Variants in SYNPO2 observed in about 807,000 individuals in gnomAD.
SYNPO2 encodes synaptopodin-2.
A neutral mutation model predicts 85.0 loss-of-function variants in SYNPO2; 56 were observed. That is an observed-to-expected ratio of 0.66 (90% CI 0.53 to 0.82). The LOEUF is 0.82. Ranked by LOEUF, SYNPO2 falls within the 40% of genes least tolerant of loss-of-function variation. SYNPO2 has a pLI of 0.00. For missense variants in SYNPO2, 1,575 were observed against 1,534.2 expected, an observed-to-expected ratio of 1.03 and a Z score of -0.44; for synonymous variants, 602 against 591.1, an observed-to-expected ratio of 1.02 and a Z score of -0.27.
At chr4:118,911,854 T>C (rs570507422) in intron 1 of SYNPO2, among the ~76,000 whole-genome samples, 1 of 152,074 alleles carries the variant, frequency 6.6e-6, no homozygotes, top group African/African-American at 2.4e-5. Context: ...CTAAATACAA[T>C]GAACACATAG....
chr4:118,853,883 G>T (rs1731464063), intron 1 of SYNPO2, among the ~76,000 whole-genome samples: 1 of 152,226 alleles, frequency 6.6e-6, no homozygotes, highest in Non-Finnish European at 1.5e-5. Flanking sequence ...GTGCAGGAAA[G>T]AGGCTGGATA....
intron 1 of SYNPO2, among the ~76,000 whole-genome samples, chr4:118,906,802 G>T (rs931191381): frequency 6.6e-6 from 1 of 151,734 alleles, no homozygotes; most frequent in African/African-American, 2.4e-5. Context: ...CTTTTCCAAT[G>T]CAGCTCCTTT....
At chr4:118,991,516 G>A (rs1388617979) in intron 1 of SYNPO2, among the ~76,000 whole-genome samples, 1 of 152,204 alleles carries the variant, frequency 6.6e-6, no homozygotes, top group African/African-American at 2.4e-5. Flanking sequence ...CCAGTGGAAT[G>A]CTCTTCAAGA....
In SYNPO2 at chr4:119,037,220, A is replaced by G. The variant is rs17839096; in HGVS notation, c.3252+5193A>G. On this transcript the variant is annotated intron_variant, in intron 4 of 4. Coordinates refer to ENST00000307142, the MANE Select transcript of SYNPO2 (RefSeq NM_133477.3). The stretch of plus-strand genomic sequence containing the variant: ...ATAATACTCAAAATAACAACATTCA[A>G]AGGAAACACAAAGAAATCCTGCTTT... 1.5e-3 allele frequency: 2,273 copies of G among 1,518,904 alleles called. 27 individuals carry two copies. The African/African-American group carries it at 0.027, about 18-fold the overall frequency. 94.1% of individuals were successfully genotyped at this position (1,518,904 alleles called of 1,614,324 possible).
intron 1 of SYNPO2, among the ~76,000 whole-genome samples, chr4:118,951,440 T>C (rs1206586592): frequency 6.6e-6 from 1 of 152,168 alleles, no homozygotes; most frequent in Non-Finnish European, 1.5e-5. Flanking sequence ...CACCTCTTAA[T>C]ACAATCACAC....
At chr4:118,887,939 AG>A (rs1424152993), upstream of SYNPO2, among the ~76,000 whole-genome samples, 1 of 152,244 alleles carries the variant, frequency 6.6e-6, no homozygotes, top group Non-Finnish European at 1.5e-5. Flanking sequence ...GGAAAACAAA[AG>A]TATTATAGGA....
chr4:119,053,556 T>A (rs997789219), intron 4 of SYNPO2, among the ~76,000 whole-genome samples: 1 of 152,210 alleles, frequency 6.6e-6, no homozygotes, highest in Non-Finnish European at 1.5e-5. Flanking sequence ...TCAGCTTCAA[T>A]CCTAGGTTTT....
At chr4:118,970,402 A>C (rs1735494344) in intron 1 of SYNPO2, among the ~76,000 whole-genome samples, 1 of 152,206 alleles carries the variant, frequency 6.6e-6, no homozygotes, top group Admixed American at 6.5e-5. Context: ...AAGATCTATG[A>C]CACAGTCACT....
intron 1 of SYNPO2, among the ~76,000 whole-genome samples, chr4:118,981,687 G>C (rs1335597866): frequency 6.6e-6 from 1 of 152,140 alleles, no homozygotes; most frequent in Non-Finnish European, 1.5e-5. Flanking sequence ...GCCCACCCTA[G>C]TCCTCCCGGT....
chr4:119,034,139 C>T (rs1248183778), intron 4 of SYNPO2: 14 of 985,342 alleles, frequency 1.4e-5, no homozygotes, highest in Non-Finnish European at 1.7e-5. Flanking sequence ...CAAAGGAAAT[C>T]TGTTGAATGC....
chr4:119,037,003 T>C, intron 4 of SYNPO2: 10 of 1,347,856 alleles, frequency 7.4e-6, no homozygotes, highest in Non-Finnish European at 9.5e-6. Context: ...ATATAGGTAA[T>C]AATTTTTCTA....
chr4:118,869,419 G>A (rs548935239), intron 1 of SYNPO2, among the ~76,000 whole-genome samples: 5 of 152,168 alleles, frequency 3.3e-5, no homozygotes, highest in African/African-American at 4.8e-5. Context: ...GTCAATAAAC[G>A]TTGAAATCTG....
chr4:119,056,037 T>C (rs1019698150), intron 4 of SYNPO2, among the ~76,000 whole-genome samples: 2 of 152,208 alleles, frequency 1.3e-5, no homozygotes, highest in African/African-American at 4.8e-5. Flanking sequence ...TTTTTAAGCA[T>C]GGTAATGTTT....
At chr4:118,951,672 A>G (rs560147047) in intron 1 of SYNPO2, among the ~76,000 whole-genome samples, 131 of 152,342 alleles carry the variant, frequency 8.6e-4, no homozygotes, top group African/African-American at 3.1e-3. Context: ...ATAGTAATAT[A>G]GGCCATGGCT....
At chr4:118,886,650 A>G (rs547390370), upstream of SYNPO2, among the ~76,000 whole-genome samples, 124 of 152,264 alleles carry the variant, frequency 8.1e-4, 1 homozygote, top group African/African-American at 2.8e-3. Context: ...TATCCAGTCT[A>G]TCACTGATGG....
chr4:118,861,914 C>T (rs574060771), intron 1 of SYNPO2, among the ~76,000 whole-genome samples: 2 of 152,118 alleles, frequency 1.3e-5, no homozygotes, highest in Non-Finnish European at 2.9e-5. Flanking sequence ...TGCATTAAAT[C>T]TGTAGATTGC....
At chr4:119,051,186 A>ATGTT (rs376359189) in intron 4 of SYNPO2, among the ~76,000 whole-genome samples, 11,753 of 100,242 alleles carry the variant, frequency 0.12, 1,832 homozygotes, top group Middle Eastern at 0.37. Flanking sequence ...ATGGGAAGCA[A>ATGTT]TTTTTTTTTT....
chr4:118,960,016 T>C (rs1431415585), intron 1 of SYNPO2, among the ~76,000 whole-genome samples: 1 of 152,168 alleles, frequency 6.6e-6, no homozygotes, highest in African/African-American at 2.4e-5. Flanking sequence ...AAAGATATGA[T>C]AGAAGAGTAG....
intron 4 of SYNPO2, among the ~76,000 whole-genome samples, chr4:119,046,764 A>T (rs953807809): frequency 2.6e-5 from 4 of 152,236 alleles, no homozygotes; most frequent in African/African-American, 9.6e-5. Flanking sequence ...ATAACAAAAG[A>T]CAAAGGCAGA....
Sources: gnomAD v4.1 joint callset for allele counts (sites outside exome capture counted in the v4.1 genomes callset) on GRCh38, gnomAD v4.1.1 for gene constraint, MANE v1.5 for transcripts, NCBI Gene and HGNC (gene_info 2026-07-23, HGNC 2026-07-21) for gene names.